Variants in EPRS1 observed in about 807,000 individuals in gnomAD.
EPRS1 encodes the protein bifunctional glutamate/proline--tRNA ligase.
EPRS1 carries 107 observed loss-of-function variants against 188.3 expected under a neutral mutation model. The observed-to-expected ratio is 0.57, with a 90% CI of 0.49 to 0.67. EPRS1 has a LOEUF of 0.67. Ranked by LOEUF, EPRS1 falls within the 30% of genes least tolerant of loss-of-function variation. EPRS1 has a pLI of 0.00. For missense variants in EPRS1, 1,577 were observed against 1,802.2 expected (o/e 0.88, Z 2.26); for synonymous variants, 596 against 593.1 (o/e 1.00, Z -0.07).
Position 219,988,759 on chromosome 1 carries a change from C to G in EPRS1, c.2606G>C (p.Gly869Ala). 1 of 1,613,746 alleles carries G rather than the reference C, an allele frequency of 6.2e-7. No individual in the cohort carries two copies. The highest frequency in any genetic ancestry group is 8.5e-7 in the Non-Finnish European group (1 of 1,179,772). Residue 869 changes from glycine (G) to alanine (A), a missense_variant, in exon 19 of 32, where the codon GGG becomes GCG. Physicochemically the swap from Gly to Ala is moderately conservative, Grantham distance 60. Transcript: ENST00000366923. ...SLKAQYKEKT[G>A]KEYIPGQPPL... ...GGGCTGACCAGGTATGTACTCCTTC[C>G]CAGTTTTTTCTTTATACTGAGCCTT...
chr1:219,995,122 G>T (rs1661207105), intron 18 of EPRS1, among the ~76,000 whole-genome samples: 1 of 152,172 alleles, frequency 6.6e-6, no homozygotes, highest in African/African-American at 2.4e-5. Context: ...ACTGAAGTCA[G>T]ATTTATTTCA....
intron 11 of EPRS1, 34 bp from the exon 12 acceptor site, chr1:220,018,542 A>G (rs762269892): frequency 6.9e-7 from 1 of 1,451,056 alleles, no homozygotes; most frequent in South Asian, 1.1e-5. Flanking sequence ...TTTAAGGGCA[A>G]GCAGTATTAA....
chr1:219,969,010 C>T, intron 31 of EPRS1, 48 bp downstream of exon 31: 2 of 1,609,424 alleles, frequency 1.2e-6, no homozygotes, highest in Non-Finnish European at 1.7e-6. Flanking sequence ...AATTGCTATT[C>T]CTTTCCATTG....
At chr1:220,043,281 T>C (rs1662334594) in intron 1 of EPRS1, among the ~76,000 whole-genome samples, 1 of 152,160 alleles carries the variant, frequency 6.6e-6, no homozygotes, top group Admixed American at 6.5e-5. Context: ...GTATACAAGT[T>C]ATAATTCAAT....
chr1:219,991,350 T>G (rs1469958866), intron 18 of EPRS1, among the ~76,000 whole-genome samples: 1 of 152,144 alleles, frequency 6.6e-6, no homozygotes, highest in Non-Finnish European at 1.5e-5. Flanking sequence ...TTTTTCAAAC[T>G]TGTTTTTTCC....
At chr1:220,038,191 T>A (rs2102599638) in intron 2 of EPRS1, among the ~76,000 whole-genome samples, 1 of 151,190 alleles carries the variant, frequency 6.6e-6, no homozygotes, top group African/African-American at 2.4e-5. Flanking sequence ...CAAGCGATTC[T>A]CCTGCCTCAG....
rs185080542 is a variant in EPRS1, at chr1:220,032,351, G to T, written c.528+36C>A. 10,282 of 1,196,106 alleles carry T rather than the reference G, an allele frequency of 8.6e-3. 502 individuals are homozygous for T. In the African/African-American group the frequency reaches 0.14, roughly 16 times the overall value. The allele number at this position is 1,196,106 out of a possible 1,614,324, so 74.1% of individuals were successfully genotyped here. On this transcript the variant is annotated intron_variant, in intron 5 of 31. Coordinates refer to ENST00000366923, the MANE Select transcript of EPRS1 (RefSeq NM_004446.3). Reference sequence around the variant, plus strand: ...TCCGCCCGCCTCAGCCTCCCAAAGTGTTTTTTTTTTTAAAAAAAAAGAAAA... The same window carrying T: ...TCCGCCCGCCTCAGCCTCCCAAAGTTTTTTTTTTTTTAAAAAAAAAGAAAA...
In EPRS1 at chr1:220,024,265, G is replaced by T. The variant is rs767132826; in HGVS notation, c.942C>A (p.Asn314Lys). 5.8e-6 allele frequency: 9 copies of T among 1,564,000 alleles called. No individual in the cohort carries two copies. The highest frequency in any genetic ancestry group is 1.7e-4 in the Middle Eastern group (1 of 5,822). ...AAAATATAAAACAATGTGGCTTACG[G>T]TTTTTTCTATGTTTAGAGTCTATCC... ...EQRIDSKHRK[N>K]PIEKNLQMWE... The change falls in exon 8 of 32, where the codon AAC becomes AAA. Residue 314 changes from asparagine (N) to lysine (K), a missense_variant and splice_region_variant. Physicochemically the swap from Asn to Lys is moderately conservative, Grantham distance 94. Transcript: ENST00000366923.
At chr1:220,011,501 T>C (rs981745387) in intron 12 of EPRS1, among the ~76,000 whole-genome samples, 6 of 152,170 alleles carry the variant, frequency 3.9e-5, no homozygotes, top group South Asian at 4.1e-4. Flanking sequence ...AGTGTTAGGG[T>C]AACACATCAC....
chr1:220,013,108 A>G (rs535432320), intron 12 of EPRS1, among the ~76,000 whole-genome samples: 4 of 152,230 alleles, frequency 2.6e-5, no homozygotes, highest in Admixed American at 6.5e-5. Flanking sequence ...CAACAGCTCT[A>G]AAATGAACAT....
At chr1:220,026,619 C>T (rs1231265647) in intron 6 of EPRS1, among the ~76,000 whole-genome samples, 1 of 151,850 alleles carries the variant, frequency 6.6e-6, no homozygotes, top group Admixed American at 6.6e-5. Context: ...CAAGTTCTGC[C>T]TCTCAGGTTC....
chr1:219,975,960 C>T (rs1256519108), intron 28 of EPRS1, among the ~76,000 whole-genome samples: 1 of 152,116 alleles, frequency 6.6e-6, no homozygotes, highest in African/African-American at 2.4e-5. Flanking sequence ...ATACCATTCT[C>T]CACTCAAAAG....
chr1:219,979,617 TA>T lies in EPRS1; in HGVS notation c.3712-3del. 6.2e-7 allele frequency: 1 copy of T among 1,601,162 alleles called. No individual in the cohort carries two copies. Among genetic ancestry groups the T allele is most frequent in the Non-Finnish European group, 8.6e-7 (1 of 1,169,066 alleles). ...CCCTAAATGATGTGATGTTCCTCCCTAAAATAGAGAGAGAAAAATAAGCTTC... is the reference window on the plus strand; with the variant it reads ...CCCTAAATGATGTGATGTTCCTCCCTAAATAGAGAGAGAAAAATAAGCTTC... On this transcript the variant is annotated splice_polypyrimidine_tract_variant and splice_region_variant and intron_variant, in intron 26 of 31. Transcript: ENST00000366923.
At chr1:220,007,417 T>C (rs1661511368) in intron 13 of EPRS1, 79 bp from the exon 14 acceptor site, 2 of 1,417,232 alleles carry the variant, frequency 1.4e-6, no homozygotes, top group Non-Finnish European at 1.9e-6. Flanking sequence ...ACATTCATTC[T>C]ATTCTTTAAC....
intron 12 of EPRS1, among the ~76,000 whole-genome samples, chr1:220,014,614 T>C (rs1355705189): frequency 6.6e-6 from 1 of 152,172 alleles, no homozygotes; most frequent in Non-Finnish European, 1.5e-5. Flanking sequence ...GGCAGCCAGG[T>C]CTTCACACTT....
intron 18 of EPRS1, among the ~76,000 whole-genome samples, chr1:219,992,740 T>C (rs1045498106): frequency 6.6e-6 from 1 of 152,010 alleles, no homozygotes; most frequent in African/African-American, 2.4e-5. Flanking sequence ...CAGCCTAACA[T>C]GGTAAAACCC....
In EPRS1 at chr1:220,044,681, CAAAAAAA is replaced by C. The variant is rs71560597; in HGVS notation, c.46+1655_46+1661del. On this transcript the variant is annotated intron_variant, in intron 1 of 31. Transcript: ENST00000366923. ...CAGAGGTTGCAATGAGCTCGGTCTCCAAAAAAAAAAAAAAAAAAAAAAAAAAAAAAAA... is the reference window on the plus strand; with the variant it reads ...CAGAGGTTGCAATGAGCTCGGTCTCCAAAAAAAAAAAAAAAAAAAAAAAAA... Among the ~76,000 whole-genome samples, 20 of 88,340 alleles carry C rather than the reference CAAAAAAA, an allele frequency of 2.3e-4. No homozygotes were observed. In the South Asian group the frequency reaches 4.3e-3, roughly 19 times the overall value. The allele number at this position is 88,340 out of a possible 152,430, so 58.0% of individuals were successfully genotyped here. A position where few individuals can be genotyped will look rare whatever the true frequency, so the allele number is the denominator to read the frequency against.
At position 219,988,615 on chromosome 1, in the gene EPRS1, T is replaced by C. The variant is rs751239882; in HGVS notation, c.2750A>G (p.Lys917Arg). 3.7e-6 allele frequency: 6 copies of C among 1,613,390 alleles called. No homozygotes were observed. In the South Asian group the frequency reaches 6.6e-5, roughly 18 times the overall value. The change falls in exon 19 of 32, where the codon AAA becomes AGA. Residue 917 changes from lysine (K) to arginine (R), a missense_variant. Physicochemically the swap from Lys to Arg is conservative, Grantham distance 26. Coordinates refer to ENST00000366923, the MANE Select transcript of EPRS1 (RefSeq NM_004446.3). ...KVASQGEVVR[K>R]LKTEKAPKDQ... ...CTTAGGGGCTTTTTCAGTTTTAAGT[T>C]TCCGAACTACTTCCCCTTGAGAAGC... is the stretch of plus-strand genomic sequence containing the variant.
chr1:220,005,389 C>G, intron 15 of EPRS1, 29 bp from the exon 16 acceptor site: 1 of 1,130,514 alleles, frequency 8.8e-7, no homozygotes, highest in Non-Finnish European at 1.3e-6. Context: ...CCAAAGTACA[C>G]TTTCTCAAAA....
Sources: allele counts gnomAD v4.1 joint callset (sites outside exome capture counted in the v4.1 genomes callset), GRCh38; gene constraint gnomAD v4.1.1; transcripts MANE v1.5; gene names NCBI Gene and HGNC (gene_info 2026-07-23, HGNC 2026-07-21).